Variants in GALNS observed in about 807,000 individuals in gnomAD.
GALNS encodes the protein N-acetylgalactosamine-6-sulfatase.
A neutral mutation model predicts 65.9 loss-of-function variants in GALNS; 65 were observed. The ratio of observed to expected loss-of-function variants is 0.99; its 90% CI spans 0.81 to 1.21. GALNS has a LOEUF of 1.21. Among genes scored for constraint, GALNS ranks in the 50% most tolerant of loss-of-function variants. The probability of loss-of-function intolerance (pLI) is 0.00; values close to 1 mark genes in which losing one functional copy is unlikely to be tolerated. For synonymous variants in GALNS, 346 were observed against 288.9 expected, an observed-to-expected ratio of 1.20 and a Z score of -2.00; for missense variants, 776 against 700.7, an observed-to-expected ratio of 1.11 and a Z score of -1.21.
At chr16:88,848,203 C>T (rs1054638810) in intron 1 of GALNS, among the ~76,000 whole-genome samples, 3 of 152,298 alleles carry the variant, frequency 2.0e-5, no homozygotes, top group Middle Eastern at 3.4e-3. Context: ...GGAGTGACCC[C>T]CATCAGGGCT....
At chr16:88,817,817 A>T (rs1312635151) in intron 13 of GALNS, among the ~76,000 whole-genome samples, 190 bp downstream of exon 13, 1 of 152,096 alleles carries the variant, frequency 6.6e-6, no homozygotes, top group African/African-American at 2.4e-5. Context: ...CTGGTCCCCG[A>T]GTCGCTTGGC....
At chr16:88,815,681 T>G in intron 13 of GALNS, 1 of 985,424 alleles carries the variant, frequency 1.0e-6, no homozygotes, top group Non-Finnish European at 1.2e-6. Flanking sequence ...GGGACAGACT[T>G]TGGATTCTGG....
At chr16:88,856,552 G>T (rs1337481994) in intron 1 of GALNS, 2 of 669,090 alleles carry the variant, frequency 3.0e-6, no homozygotes, top group African/African-American at 2.0e-5. Context: ...GCCACTCCCC[G>T]AGGGGCCTCC....
At chr16:88,818,290 A>G (rs1327539239) in intron 12 of GALNS, among the ~76,000 whole-genome samples, 166 bp from the exon 13 acceptor site, 1 of 152,194 alleles carries the variant, frequency 6.6e-6, no homozygotes, top group Non-Finnish European at 1.5e-5. Flanking sequence ...CCTCGCTAGG[A>G]CAGGCAGCAG....
chr16:88,825,045 CCTGGGCGGCCGGGG>C (rs1910668734), intron 10 of GALNS, among the ~76,000 whole-genome samples, 176 bp from the exon 11 acceptor site: 85 of 149,190 alleles, frequency 5.7e-4, no homozygotes, highest in African/African-American at 2.0e-3. Flanking sequence ...GGCTGGGGTG[CCTGGGCGGCCGGGG>C]CTGGAGCTCC....
chr16:88,841,169 G>A (rs1966951255), intron 3 of GALNS, 75 bp from the exon 4 acceptor site: 1 of 1,140,782 alleles, frequency 8.8e-7, no homozygotes, highest in Non-Finnish European at 1.3e-6. Context: ...ACAGGACACT[G>A]GGGGCTGCGT....
In GALNS at chr16:88,818,023, C is replaced by T. The variant is rs1909816243; in HGVS notation, c.1466G>A (p.Cys489Tyr). Reference sequence around the variant, plus strand: ...GCCACTTACCATGACCGCCCAGTTGCACACGTTGAGCTGGGGCTGCGCGGG... The same window carrying T: ...GCCACTTACCATGACCGCCCAGTTGTACACGTTGAGCTGGGGCTGCGCGGG... ...LVPAQPQLNV[C>Y]NWAVMNWAPP... The change falls in exon 13 of 14, where the codon TGC (cysteine) becomes TAC (tyrosine). Residue 489 changes from cysteine to tyrosine, a missense_variant. Cys to Tyr is a radical substitution (Grantham distance 194). Transcript: ENST00000268695. 1.3e-6 allele frequency: 2 copies of T among 1,583,132 alleles called. No individual in the cohort carries two copies. The highest frequency in any genetic ancestry group is 2.3e-5 in the East Asian group (1 of 43,264).
intron 11 of GALNS, among the ~76,000 whole-genome samples, chr16:88,823,649 C>T (rs1597537775): frequency 5.4e-5 from 2 of 37,034 alleles, no homozygotes; most frequent in Admixed American, 2.7e-4. Context: ...CCCTCGCAGG[C>T]GGCAATGCCG....
At position 88,814,298 on chromosome 16, in the gene GALNS, T is replaced by C; in HGVS notation, c.*141A>G. Reference sequence around the variant, plus strand: ...GGGTCAGGTCCTGGGCAGGTGGAATTGTGCAGTCCCCCTGCGTCTGCAGGT... The same window carrying C: ...GGGTCAGGTCCTGGGCAGGTGGAATCGTGCAGTCCCCCTGCGTCTGCAGGT... On this transcript the variant is annotated 3_prime_UTR_variant, in exon 14 of 14. Transcript: ENST00000268695. 3 of 1,123,650 alleles carry C rather than the reference T, an allele frequency of 2.7e-6. No homozygotes were observed. Among genetic ancestry groups the C allele is most frequent in the Non-Finnish European group, 3.9e-6 (3 of 763,602 alleles). The allele number at this position is 1,123,650 out of a possible 1,614,324, so 69.6% of individuals were successfully genotyped here. A position where few individuals can be genotyped will look rare whatever the true frequency, so the allele number is the denominator to read the frequency against.
At chr16:88,827,913 C>T (rs1012265207) in intron 9 of GALNS, among the ~76,000 whole-genome samples, 5 of 152,224 alleles carry the variant, frequency 3.3e-5, no homozygotes, top group Non-Finnish European at 7.3e-5. Context: ...GCCCTCCCCA[C>T]GGTCCAGGGG....
chr16:88,817,845 C>T (rs1043137645), intron 13 of GALNS, among the ~76,000 whole-genome samples, 162 bp downstream of exon 13: 5 of 152,198 alleles, frequency 3.3e-5, no homozygotes, highest in African/African-American at 4.8e-5. Flanking sequence ...TCCCGAATCC[C>T]GGACGCCGCC....
chr16:88,854,197 G>A (rs897551079), intron 1 of GALNS, among the ~76,000 whole-genome samples: 3 of 152,222 alleles, frequency 2.0e-5, no homozygotes, highest in Non-Finnish European at 4.4e-5. Context: ...GGGTCATCAA[G>A]CCATCCCATG....
intron 9 of GALNS, among the ~76,000 whole-genome samples, chr16:88,829,990 T>C (rs1217802008): frequency 6.6e-6 from 1 of 152,006 alleles, no homozygotes; most frequent in East Asian, 1.9e-4. Context: ...CCCAACACTT[T>C]CGGAGGCCGA....
Sources: allele counts gnomAD v4.1 joint callset (sites outside exome capture counted in the v4.1 genomes callset), GRCh38; gene constraint gnomAD v4.1.1; transcripts MANE v1.5; gene names NCBI Gene and HGNC (gene_info 2026-07-23, HGNC 2026-07-21).